Variants in TEX10 observed in about 807,000 individuals in gnomAD.
The protein encoded by TEX10 is testis expressed 10, also known as testis-expressed protein 10.
TEX10 carries 24 observed loss-of-function variants against 104.4 expected under a neutral mutation model. The ratio of observed to expected loss-of-function variants is 0.23; its 90% CI spans 0.17 to 0.32. The LOEUF is 0.32. Ranked by LOEUF, TEX10 falls within the 10% of genes least tolerant of loss-of-function variation. The pLI is 1.00. For missense variants in TEX10, 921 were observed against 1,083.9 expected, an observed-to-expected ratio of 0.85 and a Z score of 2.11; for synonymous variants, 396 against 393.4, an observed-to-expected ratio of 1.01 and a Z score of -0.08.
At chr9:100,328,124 T>C (rs918107562) in intron 7 of TEX10, among the ~76,000 whole-genome samples, 162 bp from the exon 8 acceptor site, 1 of 152,200 alleles carries the variant, frequency 6.6e-6, no homozygotes, top group Non-Finnish European at 1.5e-5. Context: ...ACCTACAAGA[T>C]GCCAGCATCA....
Position 100,348,939 on chromosome 9 carries a change from C to A in TEX10, c.180+245G>T, listed in dbSNP as rs145803640. Among the ~76,000 whole-genome samples, 373 of 152,098 alleles carry A rather than the reference C, an allele frequency of 2.5e-3. 4 individuals carry two copies. Among genetic ancestry groups the A allele is most frequent in the African/African-American group, 8.5e-3 (352 of 41,504 alleles). ...TAAATAAATAAATAAATAAATAAATCATCAAATAAATATACCAGGGAGAAA... is the reference window on the plus strand; with the variant it reads ...TAAATAAATAAATAAATAAATAAATAATCAAATAAATATACCAGGGAGAAA... On this transcript the variant is annotated intron_variant, in intron 2 of 14. Transcript: ENST00000374902.
intron 1 of TEX10, chr9:100,352,350 C>CG: frequency 6.4e-7 from 1 of 1,550,708 alleles, no homozygotes; most frequent in Non-Finnish European, 8.7e-7. Context: ...GACCAGAGGA[C>CG]GGAACAGGGG....
At chr9:100,304,084 G>A in intron 13 of TEX10, 1 of 547,300 alleles carries the variant, frequency 1.8e-6, no homozygotes. Flanking sequence ...GAACACTGCT[G>A]AGAGAAATCA....
At chr9:100,305,146 T>C (rs934779415) in intron 13 of TEX10, 10 of 152,332 alleles carry the variant, frequency 6.6e-5, no homozygotes, top group South Asian at 2.1e-4. Context: ...AATATTCACA[T>C]AGACCTAGAG....
intron 7 of TEX10, among the ~76,000 whole-genome samples, chr9:100,328,604 TACA>T (rs1405539977): frequency 2.0e-5 from 3 of 152,240 alleles, no homozygotes; most frequent in Non-Finnish European, 2.9e-5. Context: ...CAGAATACGT[TACA>T]ACAACTACCT....
chr9:100,328,885 G>A (rs1588176682), intron 7 of TEX10, among the ~76,000 whole-genome samples: 1 of 152,194 alleles, frequency 6.6e-6, no homozygotes, highest in East Asian at 1.9e-4. Context: ...TGTTCCAACT[G>A]TCCCTTAGCT....
intron 1 of TEX10, among the ~76,000 whole-genome samples, chr9:100,351,393 TG>T (rs1835442277): frequency 7.9e-5 from 1 of 12,622 alleles, no homozygotes; most frequent in Non-Finnish European, 2.1e-4. Flanking sequence ...AAAAAAAAGC[TG>T]GGGGTCGGTG....
In TEX10 at chr9:100,340,315, G is replaced by T; in HGVS notation, c.1192C>A (p.Arg398Ser). The change falls in exon 5 of 15, where the codon CGT becomes AGT. Residue 398 changes from arginine (R) to serine (S), a missense_variant. Transcript: ENST00000374902. Reference protein sequence around the residue: ...LIDFKHHFMSRFPYVLKEITK... With the variant: ...LIDFKHHFMSSFPYVLKEITK... ...ATTTCTTTTAAGACATATGGAAAAC[G>T]ACTCATAAAATGGTGTTTAAAATCA... is the stretch of plus-strand genomic sequence containing the variant. 2 of 1,572,764 alleles carry T rather than the reference G, an allele frequency of 1.3e-6. No homozygotes were observed. Among genetic ancestry groups the T allele is most frequent in the South Asian group, 2.4e-5 (2 of 82,630 alleles).
intron 11 of TEX10, among the ~76,000 whole-genome samples, chr9:100,313,491 G>C (rs1834331176): frequency 1.3e-5 from 2 of 150,638 alleles, no homozygotes; most frequent in South Asian, 4.2e-4. Context: ...CGCCAGCCTG[G>C]GCAACAAGAG....
intron 12 of TEX10, 136 bp from the exon 13 acceptor site, chr9:100,308,817 T>A (rs749694572): frequency 4.6e-6 from 3 of 650,412 alleles, no homozygotes; most frequent in South Asian, 9.1e-5. Flanking sequence ...ATATGCCACC[T>A]GCCACACCTT....
chr9:100,338,502 A>G (rs912430753), intron 5 of TEX10, among the ~76,000 whole-genome samples: 1 of 152,200 alleles, frequency 6.6e-6, no homozygotes, highest in Non-Finnish European at 1.5e-5. Flanking sequence ...CAGTTCTACA[A>G]GTAGTATCTG....
At position 100,347,133 on chromosome 9, in the gene TEX10, T is replaced by C; in HGVS notation, c.454A>G (p.Ile152Val). The change falls in exon 3 of 15, where the codon ATT becomes GTT. Residue 152 changes from isoleucine to valine, a missense_variant. Transcript: ENST00000374902. The stretch of plus-strand genomic sequence containing the variant: ...GAGTCCTCCTGAATTCCTTCAGTAA[T>C]GTGAGTCATGGCACTAGAGAGATGG... ...SAHLSSAMTH[I>V]TEGIQEDSLK... The C allele has an allele frequency of 3.1e-6, 5 of 1,614,188 alleles. No homozygotes were observed. The South Asian group carries it at 5.5e-5, about 18-fold the overall frequency.
At chr9:100,352,705 C>A (rs1447199123) in intron 1 of TEX10, 67 bp downstream of exon 1, 1 of 1,299,628 alleles carries the variant, frequency 7.7e-7, no homozygotes, top group African/African-American at 1.6e-5. Context: ...GATCGGGGGG[C>A]GACGGCCCCA....
intron 11 of TEX10, among the ~76,000 whole-genome samples, chr9:100,316,120 A>G (rs1227539510): frequency 6.6e-6 from 1 of 152,186 alleles, no homozygotes; most frequent in African/African-American, 2.4e-5. Context: ...ACAGACACAA[A>G]ATTCCTCCAC....
At chr9:100,310,018 G>GGAAAGGATGT (rs2118834731) in intron 12 of TEX10, among the ~76,000 whole-genome samples, 1 of 152,206 alleles carries the variant, frequency 6.6e-6, no homozygotes, top group Non-Finnish European at 1.5e-5. Flanking sequence ...TACAGAAGTT[G>GGAAAGGATGT]GAAAGGATGT....
intron 13 of TEX10, chr9:100,307,105 ATATT>A (rs1191745355): frequency 6.6e-6 from 1 of 152,228 alleles, no homozygotes; most frequent in African/African-American, 2.4e-5. Context: ...ATTTTATAGT[ATATT>A]TAAAGTGAAA....
At chr9:100,310,887 T>C (rs1270122791) in intron 11 of TEX10, among the ~76,000 whole-genome samples, 3 of 152,210 alleles carry the variant, frequency 2.0e-5, no homozygotes, top group Admixed American at 6.5e-5. Context: ...ATATGTTGAA[T>C]ATTGAGCTAG....
At position 100,302,105 on chromosome 9, in the gene TEX10, A is replaced by T; in HGVS notation, c.*86T>A. On this transcript the variant is annotated 3_prime_UTR_variant, in exon 15 of 15. Transcript: ENST00000374902. ...AAACTTCTTTAAAAGTTCAGCTTTA[A>T]TGACAAAGATCTATTACATCAGTCT... 1 of 782,282 alleles carries T rather than the reference A, an allele frequency of 1.3e-6. No individual in the cohort carries two copies. Among genetic ancestry groups the T allele is most frequent in the Non-Finnish European group, 2.0e-6 (1 of 505,960 alleles). 48.5% of individuals were successfully genotyped at this position (782,282 alleles called of 1,614,324 possible). A position where few individuals can be genotyped will look rare whatever the true frequency, so the allele number is the denominator to read the frequency against.
chr9:100,333,755 G>T (rs1834935672), intron 5 of TEX10, among the ~76,000 whole-genome samples: 1 of 151,810 alleles, frequency 6.6e-6, no homozygotes, highest in Non-Finnish European at 1.5e-5. Flanking sequence ...AGATAAGATG[G>T]TATTGGTGAA....
Sources: gnomAD v4.1 joint callset for allele counts (sites outside exome capture counted in the v4.1 genomes callset) on GRCh38, gnomAD v4.1.1 for gene constraint, MANE v1.5 for transcripts, NCBI Gene and HGNC (gene_info 2026-07-23, HGNC 2026-07-21) for gene names.